HMCN2: variants seen among roughly 807,000 people sequenced by gnomAD.
HMCN2 encodes hemicentin 2.
Under a neutral mutation model 377.5 loss-of-function variants are expected in HMCN2, and 325 were observed. The ratio of observed to expected loss-of-function variants is 0.86; its 90% CI spans 0.79 to 0.94. HMCN2 has a LOEUF of 0.94. Ranked by LOEUF, HMCN2 falls within the 40% of genes least tolerant of loss-of-function variation. HMCN2 has a pLI of 0.00. For synonymous variants in HMCN2, 2,007 were observed against 2,046.8 expected (o/e 0.98, Z 0.53); for missense variants, 4,543 against 4,725.3 (o/e 0.96, Z 1.13).
intron 31 of HMCN2, among the ~76,000 whole-genome samples, chr9:130,354,384 G>A (rs114769409): frequency 1.1e-3 from 172 of 152,348 alleles, no homozygotes; most frequent in African/African-American, 4.0e-3. Flanking sequence ...CAGGGAGGGA[G>A]GGGACTTCCA....
At position 130,351,586 on chromosome 9, in the gene HMCN2, C is replaced by G. The variant is rs1189597223; in HGVS notation, c.4585+9C>G. ...CCAGCTCCGAGTTCATGGTGAGCCC[C>G]CACGCCTTCTGGGACCCCGCCACAG... On this transcript the variant is annotated intron_variant, in intron 30 of 97. Coordinates refer to ENST00000683500, the MANE Select transcript of HMCN2 (RefSeq NM_001291815.2). This position sits in a 1 kb window ranked among gnomAD's most constrained non-coding sequence, Gnocchi z 5.4. 1 of 1,298,756 alleles carries G rather than the reference C, an allele frequency of 7.7e-7. No homozygotes were observed. Among genetic ancestry groups the G allele is most frequent in the East Asian group, 5.6e-5 (1 of 17,878 alleles). 80.5% of individuals were successfully genotyped at this position (1,298,756 alleles called of 1,614,324 possible). A position where few individuals can be genotyped will look rare whatever the true frequency, so the allele number is the denominator to read the frequency against.
In HMCN2 at chr9:130,404,736, A is replaced by G. The variant is rs1219051641; in HGVS notation, c.12149-133A>G. On this transcript the variant is annotated intron_variant, in intron 80 of 97. Transcript: ENST00000683500. ...TCATCCTGAGCACGGGCAATGGCCT[A>G]TGACTAGGGAGTTGGAGGGGGCAGC... is the stretch of plus-strand genomic sequence containing the variant. The G allele has an allele frequency of 6.3e-5, 32 of 506,154 alleles. No individual in the cohort carries two copies. The East Asian group carries it at 9.8e-4, about 16-fold the overall frequency. The allele number at this position is 506,154 out of a possible 1,614,324, so 31.4% of individuals were successfully genotyped here.
chr9:130,432,761 A>G, intron 97 of HMCN2: 1 of 599,696 alleles, frequency 1.7e-6, no homozygotes, highest in Non-Finnish European at 2.9e-6. Flanking sequence ...CAGGACCACC[A>G]TGCAGACTCA....
intron 86 of HMCN2, among the ~76,000 whole-genome samples, chr9:130,421,266 C>T (rs578112108): frequency 9.9e-5 from 15 of 152,114 alleles, no homozygotes; most frequent in Middle Eastern, 3.2e-3. Flanking sequence ...AAATGAGCAA[C>T]GTAGTTTATT....
At chr9:130,354,338 G>A (rs147333138) in intron 31 of HMCN2, among the ~76,000 whole-genome samples, 1 of 152,156 alleles carries the variant, frequency 6.6e-6, no homozygotes, top group Non-Finnish European at 1.5e-5. Context: ...AAGCCATCTG[G>A]GCTCAGGTCT....
intron 56 of HMCN2, among the ~76,000 whole-genome samples, chr9:130,383,252 G>A (rs1314430769): frequency 3.2e-5 from 4 of 123,256 alleles, no homozygotes; most frequent in Non-Finnish European, 5.5e-5. Context: ...CACACAGCAC[G>A]GCCCTCCACA....
chr9:130,310,335 G>A (rs1464138926), intron 15 of HMCN2, among the ~76,000 whole-genome samples: 2 of 152,260 alleles, frequency 1.3e-5, no homozygotes, highest in Non-Finnish European at 2.9e-5. Context: ...GCTTGGCCGG[G>A]TGATTCTGGC....
chr9:130,431,276 G>A lies in HMCN2; in HGVS notation c.14648-91G>A, dbSNP rs1008485784. The A allele has an allele frequency of 2.6e-5, 34 of 1,298,208 alleles. No homozygotes were observed. The East Asian group carries it at 5.6e-4, about 21-fold the overall frequency. 80.4% of individuals were successfully genotyped at this position (1,298,208 alleles called of 1,614,324 possible). A position where few individuals can be genotyped will look rare whatever the true frequency, so the allele number is the denominator to read the frequency against. On this transcript the variant is annotated intron_variant, in intron 95 of 97. Transcript: ENST00000683500. ...AGGAGCAGGGCAGCTCCAGAGCCCAGCGGGCAGGTGTGTGGCCACGTTGGT... is the reference window on the plus strand; with the variant it reads ...AGGAGCAGGGCAGCTCCAGAGCCCAACGGGCAGGTGTGTGGCCACGTTGGT...
Position 130,406,041 on chromosome 9 carries a change from G to T in HMCN2, c.12426G>T (p.Leu4142=). 1 of 1,289,904 alleles carries T rather than the reference G, an allele frequency of 7.8e-7. No homozygotes were observed. The highest frequency in any genetic ancestry group is 1.0e-6 in the Non-Finnish European group (1 of 988,896). 79.9% of individuals were successfully genotyped at this position (1,289,904 alleles called of 1,614,324 possible). Residue 4142 remains leucine (L), a synonymous_variant, in exon 82 of 98, where the codon CTG becomes CTT. Transcript: ENST00000683500. Reference sequence around the variant, plus strand: ...GCGTGCACCTCACCATCCTGGTACTGCCTGTGTTCACCACCCTGCCTGGGG... The same window carrying T: ...GCGTGCACCTCACCATCCTGGTACTTCCTGTGTTCACCACCCTGCCTGGGG... ...RRRVHLTILV[L]PVFTTLPGDR...
At chr9:130,383,131 G>C (rs978994286) in intron 56 of HMCN2, among the ~76,000 whole-genome samples, 1 of 152,148 alleles carries the variant, frequency 6.6e-6, no homozygotes, top group Admixed American at 6.5e-5. Flanking sequence ...AGCCTTCCGC[G>C]GGATCACCAG....
In HMCN2 at chr9:130,329,439, C is replaced by CTTTTT. The variant is rs869081836; in HGVS notation, c.3359+1980_3359+1984dup. On this transcript the variant is annotated intron_variant, in intron 22 of 97. Coordinates refer to ENST00000683500, the MANE Select transcript of HMCN2 (RefSeq NM_001291815.2). ...ATTTTGGTGGCTGTGAATAGCCTCA[C>CTTTTT]TTTTTTTTTTTTTTTTTTTTCGGAG... 2.8e-5 allele frequency among the ~76,000 whole-genome samples: 3 copies of CTTTTT among 105,816 alleles called. 1 individual carries two copies. Among genetic ancestry groups the CTTTTT allele is most frequent in the African/African-American group, 3.8e-5 (1 of 26,518 alleles). 69.4% of individuals were successfully genotyped at this position (105,816 alleles called of 152,430 possible). A position where few individuals can be genotyped will look rare whatever the true frequency, so the allele number is the denominator to read the frequency against.
At chr9:130,327,748 C>A (rs1838219156) in intron 22 of HMCN2, among the ~76,000 whole-genome samples, 1 of 152,214 alleles carries the variant, frequency 6.6e-6, no homozygotes, top group Non-Finnish European at 1.5e-5. Context: ...TGCACGGCCA[C>A]CCTTGATATC....
intron 85 of HMCN2, among the ~76,000 whole-genome samples, chr9:130,417,879 T>C (rs1026188579): frequency 6.6e-6 from 1 of 152,202 alleles, no homozygotes; most frequent in Non-Finnish European, 1.5e-5. Flanking sequence ...TCCACCTCAG[T>C]GTGTGCGAGT....
chr9:130,381,529 C>T (rs1014889991), intron 54 of HMCN2, among the ~76,000 whole-genome samples: 1 of 152,112 alleles, frequency 6.6e-6, no homozygotes, highest in African/African-American at 2.4e-5. Context: ...CCACCACACC[C>T]GGGGAATTTT....
intron 47 of HMCN2, among the ~76,000 whole-genome samples, 190 bp from the exon 48 acceptor site, chr9:130,372,848 C>T (rs1841103192): frequency 6.6e-6 from 1 of 152,214 alleles, no homozygotes; most frequent in African/African-American, 2.4e-5. Context: ...TTCTGAGACA[C>T]TGGTACTTCC....
chr9:130,296,457 G>A (rs889515719), intron 6 of HMCN2, among the ~76,000 whole-genome samples: 9 of 152,232 alleles, frequency 5.9e-5, no homozygotes, highest in Non-Finnish European at 1.2e-4. Context: ...GCCTCAAGAG[G>A]GCTGCTCAGG....
chr9:130,291,533 C>A (rs1175825180), intron 4 of HMCN2, among the ~76,000 whole-genome samples: 2 of 152,140 alleles, frequency 1.3e-5, no homozygotes, highest in Admixed American at 1.3e-4. Flanking sequence ...TTTTAAATGA[C>A]TTTACTTTAA....
chr9:130,291,506 G>A (rs1554930062), intron 4 of HMCN2, among the ~76,000 whole-genome samples: 2 of 152,094 alleles, frequency 1.3e-5, no homozygotes, highest in Admixed American at 6.6e-5. Flanking sequence ...CACAGTGCCC[G>A]GTCGCATACT....
At chr9:130,429,768 A>T in intron 94 of HMCN2, 83 bp downstream of exon 94, 1 of 1,295,522 alleles carries the variant, frequency 7.7e-7, no homozygotes, top group Non-Finnish European at 1.0e-6. Context: ...TGCCCTGCCT[A>T]GTTACGGGGA....
Sources: allele counts gnomAD v4.1 joint callset (sites outside exome capture counted in the v4.1 genomes callset), GRCh38; gene constraint gnomAD v4.1.1; non-coding constraint Gnocchi (gnomAD v3.1); transcripts MANE v1.5; gene names NCBI Gene and HGNC (gene_info 2026-07-23, HGNC 2026-07-21).